ANKRD11: variants seen among roughly 807,000 people sequenced by gnomAD.
ANKRD11 encodes the protein ankyrin repeat domain 11.
ANKRD11 carries 17 observed loss-of-function variants against 195.7 expected under a neutral mutation model. The observed-to-expected ratio is 0.09, with a 90% CI of 0.06 to 0.13. The LOEUF is 0.13. Ranked by LOEUF, ANKRD11 falls within the 10% of genes least tolerant of loss-of-function variation. The pLI is 1.00. For synonymous variants in ANKRD11, 1,953 were observed against 1,528.1 expected, an observed-to-expected ratio of 1.28 and a Z score of -6.49; for missense variants, 3,735 against 3,566.1, an observed-to-expected ratio of 1.05 and a Z score of -1.21.
At chr16:89,487,667 G>C (rs1049723902) in intron 1 of ANKRD11, among the ~76,000 whole-genome samples, 1 of 152,070 alleles carries the variant, frequency 6.6e-6, no homozygotes, top group East Asian at 1.9e-4. Context: ...CCAGCTACTC[G>C]GGAGGCTGAG....
Position 89,313,572 on chromosome 16 carries a change from C to A in ANKRD11, c.87+3361G>T, listed in dbSNP as rs141910490. ...TTCCACGTATATGTCACTGAGATCA[C>A]GATTCTTTTGGAAAAATCTAAAAAT... On this transcript the variant is annotated intron_variant, in intron 3 of 12. Coordinates refer to ENST00000301030, the MANE Select transcript of ANKRD11 (RefSeq NM_013275.6). 1.2e-4 allele frequency: 159 copies of A among 1,289,096 alleles called. 1 individual carries two copies. The South Asian group carries it at 1.7e-3, about 14-fold the overall frequency. The allele number at this position is 1,289,096 out of a possible 1,614,324, so 79.9% of individuals were successfully genotyped here.
chr16:89,308,863 T>C (rs2036451581), intron 3 of ANKRD11, among the ~76,000 whole-genome samples: 1 of 151,774 alleles, frequency 6.6e-6, no homozygotes. Context: ...GTGAGCGCCA[T>C]GAAAATGGGG....
intron 2 of ANKRD11, among the ~76,000 whole-genome samples, chr16:89,329,931 C>G (rs548551383): frequency 1.3e-5 from 2 of 151,414 alleles, no homozygotes; most frequent in African/African-American, 2.4e-5. Context: ...CAGAGGCTGC[C>G]GTGAGCAGAG....
intron 2 of ANKRD11, among the ~76,000 whole-genome samples, chr16:89,413,744 G>C (rs1256944650): frequency 2.0e-5 from 3 of 152,208 alleles, no homozygotes; most frequent in South Asian, 2.1e-4. Context: ...AGCATTCTAC[G>C]GCAGGACACA....
rs567442771 is a variant in ANKRD11, at chr16:89,270,330, G to C, written c.7806+487C>G. 437 of 164,616 alleles carry C rather than the reference G, an allele frequency of 2.7e-3. 2 individuals are homozygous for C. The highest frequency in any genetic ancestry group is 2.4e-3 in the Non-Finnish European group (210 of 88,120). The allele number at this position is 164,616 out of a possible 1,614,324, so 10.2% of individuals were successfully genotyped here. On this transcript the variant is annotated intron_variant, in intron 12 of 12. Transcript: ENST00000301030. ...TGTACAGGGTGACGCTGACTGTAAA[G>C]TTCTGTAACTTTTGGCAAGTTTCCG...
intron 2 of ANKRD11, among the ~76,000 whole-genome samples, chr16:89,381,411 C>G (rs1453147587): frequency 6.6e-6 from 1 of 151,282 alleles, no homozygotes; most frequent in Non-Finnish European, 1.5e-5. Context: ...CCAAGAAACT[C>G]CCAGACACCA....
At chr16:89,278,977 G>A (rs779279436) in intron 9 of ANKRD11, 95 bp downstream of exon 9, 1 of 1,546,872 alleles carries the variant, frequency 6.5e-7, no homozygotes, top group Non-Finnish European at 8.8e-7. Context: ...CAAGGGCCAT[G>A]AGTGGGACAA....
chr16:89,286,634 G>T, intron 7 of ANKRD11: 10 of 1,207,232 alleles, frequency 8.3e-6, no homozygotes, highest in Non-Finnish European at 1.1e-5. Flanking sequence ...GGGTTGGGGG[G>T]ACAGAATAGA....
intron 2 of ANKRD11, among the ~76,000 whole-genome samples, chr16:89,360,017 G>T (rs934459622): frequency 4.6e-5 from 7 of 152,086 alleles, no homozygotes; most frequent in Admixed American, 1.3e-4. Flanking sequence ...ACTAAGCCCA[G>T]TACCCAACAG....
At chr16:89,380,670 T>C (rs1040376333) in intron 2 of ANKRD11, among the ~76,000 whole-genome samples, 1 of 152,072 alleles carries the variant, frequency 6.6e-6, no homozygotes, top group Non-Finnish European at 1.5e-5. Flanking sequence ...GCAGAAACTC[T>C]AGAAATAAAT....
chr16:89,392,108 G>A (rs935738290), intron 2 of ANKRD11, among the ~76,000 whole-genome samples: 6 of 152,104 alleles, frequency 3.9e-5, no homozygotes, highest in African/African-American at 7.2e-5. Flanking sequence ...GTGAGGTCCC[G>A]TTCCAGCCAA....
intron 12 of ANKRD11, among the ~76,000 whole-genome samples, chr16:89,269,280 C>T (rs528901542): frequency 1.3e-5 from 2 of 152,212 alleles, no homozygotes; most frequent in East Asian, 1.9e-4. Context: ...CTCAACCTCC[C>T]GAGTAGCTGG....
At chr16:89,477,084 GT>G (rs2057283978) in intron 1 of ANKRD11, among the ~76,000 whole-genome samples, 1 of 152,106 alleles carries the variant, frequency 6.6e-6, no homozygotes, top group South Asian at 2.1e-4. Flanking sequence ...CTTTGGTCTT[GT>G]CTTTCTTTGT....
At chr16:89,482,745 T>C (rs1483697704) in intron 1 of ANKRD11, among the ~76,000 whole-genome samples, 1 of 152,146 alleles carries the variant, frequency 6.6e-6, no homozygotes, top group Admixed American at 6.5e-5. Context: ...TGAGCCTTGA[T>C]TGTGCCACTG....
intron 4 of ANKRD11, among the ~76,000 whole-genome samples, chr16:89,293,602 C>T (rs1161790686): frequency 1.3e-5 from 1 of 74,578 alleles, no homozygotes; most frequent in African/African-American, 5.3e-5. Flanking sequence ...AGAGTTGGGG[C>T]TGCGGAGGGA....
intron 3 of ANKRD11, chr16:89,313,217 G>A (rs1409460589): frequency 2.0e-5 from 24 of 1,179,332 alleles, no homozygotes; most frequent in African/African-American, 4.7e-5. Flanking sequence ...TCTGAGTGGC[G>A]TGCATGGAGC....
chr16:89,485,984 C>T (rs1158999348), intron 1 of ANKRD11, among the ~76,000 whole-genome samples: 1 of 152,224 alleles, frequency 6.6e-6, no homozygotes, highest in Non-Finnish European at 1.5e-5. Flanking sequence ...AAAACTGCTT[C>T]TGGCCCTTCT....
rs1477477198 is a variant in ANKRD11 at position 89,282,257 on chromosome 16, C to T, written c.4285G>A (p.Asp1429Asn). The change falls in exon 9 of 13, where the codon GAT becomes AAT. Residue 1429 changes from aspartate to asparagine, a missense_variant. Physicochemically the swap from Asp to Asn is conservative, Grantham distance 23. Transcript: ENST00000301030. ...GGTTCTCTCTCGGAATCATTTTTAT[C>T]TTTCTTTTCGGTAGAAAACAATTCA... ...TIELFSTEKK[D>N]KNDSEREPSK... The T allele has an allele frequency of 6.2e-7, 1 of 1,613,832 alleles. No homozygotes were observed. Among genetic ancestry groups the T allele is most frequent in the South Asian group, 1.1e-5 (1 of 91,072 alleles).
At chr16:89,315,630 C>T (rs1383208547) in intron 3 of ANKRD11, among the ~76,000 whole-genome samples, 1 of 152,254 alleles carries the variant, frequency 6.6e-6, no homozygotes, top group East Asian at 1.9e-4. Context: ...GGAACCCACC[C>T]AGCCCTGCAC....
Sources: gnomAD v4.1 joint callset for allele counts (sites outside exome capture counted in the v4.1 genomes callset) on GRCh38, gnomAD v4.1.1 for gene constraint, MANE v1.5 for transcripts, NCBI Gene and HGNC (gene_info 2026-07-23, HGNC 2026-07-21) for gene names.